The following TCP11L2 variants were observed in gnomAD, a reference collection of about 807,000 sequenced individuals.
TCP11L2 encodes the protein T-complex protein 11-like protein 2.
A neutral mutation model predicts 50.7 loss-of-function variants in TCP11L2; 39 were observed. The ratio of observed to expected loss-of-function variants is 0.77; its 90% CI spans 0.60 to 1.01. TCP11L2 has a LOEUF of 1.01. TCP11L2 is among the 50% of genes least tolerant of loss of function. The probability of loss-of-function intolerance (pLI) is 0.00; values close to 1 mark genes in which losing one functional copy is unlikely to be tolerated. For synonymous variants in TCP11L2, 192 were observed against 219.3 expected, an observed-to-expected ratio of 0.88 and a Z score of 1.10; for missense variants, 612 against 614.7, an observed-to-expected ratio of 1.00 and a Z score of 0.05.
chr12:106,339,403 A>T (rs1189512042), intron 8 of TCP11L2, among the ~76,000 whole-genome samples: 1 of 152,174 alleles, frequency 6.6e-6, no homozygotes, highest in African/African-American at 2.4e-5. Flanking sequence ...CATAGTTTGC[A>T]AATATTTTCT....
intron 2 of TCP11L2, among the ~76,000 whole-genome samples, chr12:106,313,790 G>A (rs559937331): frequency 5.4e-4 from 66 of 121,720 alleles, no homozygotes; most frequent in African/African-American, 2.0e-3. Flanking sequence ...TTTTTGAGAC[G>A]AGTCTCACCC....
intron 4 of TCP11L2, 38 bp downstream of exon 4, chr12:106,318,502 C>A: frequency 6.2e-7 from 1 of 1,608,534 alleles, no homozygotes; most frequent in Non-Finnish European, 8.5e-7. Context: ...TAGCGTCTTA[C>A]TCCAGGTGGG....
chr12:106,341,337 G>T (rs1396028323), intron 9 of TCP11L2, among the ~76,000 whole-genome samples: 1 of 152,180 alleles, frequency 6.6e-6, no homozygotes, highest in Non-Finnish European at 1.5e-5. Flanking sequence ...TATGAGTTCT[G>T]CTGTGAGCAG....
intron 8 of TCP11L2, among the ~76,000 whole-genome samples, chr12:106,339,984 A>C (rs931665018): frequency 1.3e-5 from 2 of 152,242 alleles, no homozygotes; most frequent in African/African-American, 4.8e-5. Flanking sequence ...TATTAGACAC[A>C]TAGAAGTTCA....
Position 106,321,731 on chromosome 12 carries a change from T to C in TCP11L2, c.635+25T>C, listed in dbSNP as rs771950029. ...GGTTAGCACTTTTGCTGTTTGCATT[T>C]CCTAGAGTATCTTTGAGTTCATTCA... On this transcript the variant is annotated intron_variant, in intron 5 of 9. Transcript: ENST00000299045. 15 of 1,598,650 alleles carry C rather than the reference T, an allele frequency of 9.4e-6. No individual in the cohort carries two copies. The East Asian group carries it at 3.3e-4, about 36-fold the overall frequency.
At chr12:106,299,060 C>T (rs1367991972), upstream of TCP11L2, among the ~76,000 whole-genome samples, 1 of 152,124 alleles carries the variant, frequency 6.6e-6, no homozygotes, top group African/African-American at 2.4e-5. Context: ...AGGTGATCCA[C>T]CCACCTCAGC....
intron 6 of TCP11L2, chr12:106,329,978 G>T: frequency 1.8e-5 from 18 of 985,434 alleles, no homozygotes; most frequent in Non-Finnish European, 2.2e-5. Context: ...TCAAGTGCTG[G>T]GTCCAAGAAG....
intron 6 of TCP11L2, chr12:106,325,272 G>C (rs2035496340): frequency 6.6e-6 from 1 of 152,170 alleles, no homozygotes; most frequent in Non-Finnish European, 1.5e-5. Flanking sequence ...ATTACACTGG[G>C]TGAGACTACC....
chr12:106,328,566 A>G (rs537893123), intron 6 of TCP11L2, among the ~76,000 whole-genome samples: 2 of 152,264 alleles, frequency 1.3e-5, no homozygotes, highest in East Asian at 3.9e-4. Context: ...AAACAAAACA[A>G]AAAACAGTGG....
chr12:106,326,318 T>G (rs1205673252), intron 6 of TCP11L2, among the ~76,000 whole-genome samples: 1 of 152,144 alleles, frequency 6.6e-6, no homozygotes, highest in African/African-American at 2.4e-5. Context: ...CATGTTCTGC[T>G]TGGTAACAAG....
intron 3 of TCP11L2, among the ~76,000 whole-genome samples, chr12:106,317,877 A>G (rs951548323): frequency 1.3e-5 from 2 of 152,248 alleles, no homozygotes; most frequent in African/African-American, 4.8e-5. Context: ...TGGTCTGGCT[A>G]ACTTTAAATG....
In TCP11L2 at chr12:106,318,401, A is replaced by G. The variant is rs934094885; in HGVS notation, c.351A>G (p.Ser117=). The change falls in exon 4 of 10, where the codon TCA becomes TCG. Residue 117 remains serine (S), a synonymous_variant. Transcript: ENST00000299045. ...VHQAFWDVLD[S]ELNADPPEFE... ...AGGCCTTCTGGGACGTCTTGGATTC[A>G]GAACTAAATGCTGACCCTCCTGAGT... The G allele has an allele frequency of 6.2e-7, 1 of 1,614,024 alleles. No individual in the cohort carries two copies. The highest frequency in any genetic ancestry group is 1.3e-5 in the African/African-American group (1 of 74,938).
At chr12:106,322,968 T>C (rs958349615) in intron 5 of TCP11L2, among the ~76,000 whole-genome samples, 1 of 152,200 alleles carries the variant, frequency 6.6e-6, no homozygotes, top group African/African-American at 2.4e-5. Context: ...TTACAATTGT[T>C]ATCTCATTGA....
chr12:106,342,318 C>T (rs1452471455), intron 9 of TCP11L2, among the ~76,000 whole-genome samples: 2 of 152,134 alleles, frequency 1.3e-5, no homozygotes, highest in African/African-American at 4.8e-5. Context: ...TTGGTGTATA[C>T]GACATTGTGG....
intron 1 of TCP11L2, chr12:106,303,955 A>C (rs534999155): frequency 6.6e-5 from 10 of 152,342 alleles, no homozygotes; most frequent in Admixed American, 1.3e-4. Flanking sequence ...CCTTGTCCCC[A>C]GTGGGTGTCT....
intron 2 of TCP11L2, among the ~76,000 whole-genome samples, chr12:106,311,972 A>G (rs1486004594): frequency 2.6e-5 from 4 of 152,172 alleles, no homozygotes; most frequent in Admixed American, 6.5e-5. Context: ...AAATTTTTAC[A>G]TTCTCATTTT....
intron 5 of TCP11L2, among the ~76,000 whole-genome samples, chr12:106,322,821 G>A (rs896288137): frequency 1.3e-5 from 2 of 152,170 alleles, no homozygotes; most frequent in Non-Finnish European, 2.9e-5. Context: ...AGTCGTGCTC[G>A]GCTCTGGCAG....
chr12:106,307,143 A>G (rs1205499063), intron 1 of TCP11L2: 3 of 152,238 alleles, frequency 2.0e-5, no homozygotes, highest in Non-Finnish European at 2.9e-5. Flanking sequence ...TTATTCAACA[A>G]TAAATATTTG....
upstream of TCP11L2, among the ~76,000 whole-genome samples, chr12:106,300,517 A>G (rs926998173): frequency 2.6e-5 from 4 of 151,996 alleles, no homozygotes; most frequent in African/African-American, 4.8e-5. Flanking sequence ...TTTTTAGTAG[A>G]GACGGGGTTT....
Sources: gnomAD v4.1 joint callset for allele counts (sites outside exome capture counted in the v4.1 genomes callset) on GRCh38, gnomAD v4.1.1 for gene constraint, MANE v1.5 for transcripts, NCBI Gene and HGNC (gene_info 2026-07-23, HGNC 2026-07-21) for gene names.